BROX: variants seen among roughly 807,000 people sequenced by gnomAD.
BROX encodes the protein BRO1 domain-containing protein BROX.
In BROX, 53 loss-of-function variants were observed where a neutral mutation model predicts 61.0. The ratio of observed to expected loss-of-function variants is 0.87; its 90% CI spans 0.70 to 1.09. The LOEUF is 1.09. Among genes scored for constraint, BROX ranks in the 50% least tolerant of loss-of-function variants. The pLI is 0.00. For missense variants in BROX, 489 were observed against 472.0 expected, an observed-to-expected ratio of 1.04 and a Z score of -0.33; for synonymous variants, 152 against 160.2, an observed-to-expected ratio of 0.95 and a Z score of 0.38.
intron 8 of BROX, among the ~76,000 whole-genome samples, chr1:222,727,486 G>C (rs901991238): frequency 6.6e-6 from 1 of 152,036 alleles, no homozygotes; most frequent in Non-Finnish European, 1.5e-5. Flanking sequence ...CAGCTTTTTT[G>C]CTTAAAATTT....
Position 222,712,571 on chromosome 1 carries a change from C to G in BROX, c.-388C>G, listed in dbSNP as rs1054402417. On this transcript the variant is annotated 5_prime_UTR_variant, in exon 1 of 13. Transcript: ENST00000340934. Reference sequence around the variant, plus strand: ...TTAGGTTGAGGCCGCCCCACTGCGCCGAGGGCCGCCATCGCTATTGCGGCA... The same window carrying G: ...TTAGGTTGAGGCCGCCCCACTGCGCGGAGGGCCGCCATCGCTATTGCGGCA... 12 of 1,375,914 alleles carry G rather than the reference C, an allele frequency of 8.7e-6. No homozygotes were observed. In the African/African-American group the frequency reaches 1.8e-4, roughly 20 times the overall value. The allele number at this position is 1,375,914 out of a possible 1,614,324, so 85.2% of individuals were successfully genotyped here.
intron 11 of BROX, among the ~76,000 whole-genome samples, chr1:222,730,794 C>T (rs998028645): frequency 7.2e-5 from 11 of 152,048 alleles, no homozygotes; most frequent in African/African-American, 2.7e-4. Context: ...TGTTTCCCTG[C>T]CATTCTTCCT....
intron 4 of BROX, among the ~76,000 whole-genome samples, chr1:222,719,594 T>C (rs1323558647): frequency 6.6e-6 from 1 of 152,252 alleles, no homozygotes; most frequent in African/African-American, 2.4e-5. Flanking sequence ...TTAACTACAG[T>C]TGAACAGCCT....
chr1:222,727,959 G>C (rs1657630005), intron 8 of BROX, among the ~76,000 whole-genome samples: 1 of 152,154 alleles, frequency 6.6e-6, no homozygotes, highest in East Asian at 1.9e-4. Flanking sequence ...AAAGAACTTA[G>C]CACATTCTGG....
At position 222,717,311 on chromosome 1, in the gene BROX, G is replaced by C. The variant is rs369306326; in HGVS notation, c.101+1511G>C. On this transcript the variant is annotated intron_variant, in intron 2 of 12. Coordinates refer to ENST00000340934, the MANE Select transcript of BROX (RefSeq NM_144695.4). ...ATCTAGACTCCTGGAGGCAAGTCCC[G>C]ACTTAGCTGTTTTATCTATACCATT... Among the ~76,000 whole-genome samples the C allele has an allele frequency of 2.9e-4, 44 of 152,240 alleles. No homozygotes were observed. In the South Asian group the frequency reaches 6.2e-3, roughly 22 times the overall value.
At position 222,729,266 on chromosome 1, in the gene BROX, A is replaced by G. The variant is rs1037106121; in HGVS notation, c.757-354A>G. Reference sequence around the variant, plus strand: ...TAATTGTTTTGTTAATTAGAATATCATATGAGAGATCATCAGAAACCTTTT... The same window carrying G: ...TAATTGTTTTGTTAATTAGAATATCGTATGAGAGATCATCAGAAACCTTTT... On this transcript the variant is annotated intron_variant, in intron 9 of 12. Coordinates refer to ENST00000340934, the MANE Select transcript of BROX (RefSeq NM_144695.4). Among the ~76,000 whole-genome samples, 10 of 152,324 alleles carry G rather than the reference A, an allele frequency of 6.6e-5. No homozygotes were observed. In the South Asian group the frequency reaches 8.3e-4, roughly 13 times the overall value.
intron 12 of BROX, among the ~76,000 whole-genome samples, chr1:222,731,886 G>A (rs1290779466): frequency 6.6e-6 from 1 of 152,140 alleles, no homozygotes; most frequent in Non-Finnish European, 1.5e-5. Context: ...CCTAATTTCA[G>A]TATTCTGTGA....
chr1:222,722,792 A>G (rs1657194348), intron 5 of BROX, among the ~76,000 whole-genome samples: 1 of 152,224 alleles, frequency 6.6e-6, no homozygotes, highest in East Asian at 1.9e-4. Context: ...AGGACCGTAA[A>G]CAAAGTTAAA....
rs759292924 is a variant in BROX, at chr1:222,722,400, A to G, written c.306-19A>G. 31 of 1,589,540 alleles carry G rather than the reference A, an allele frequency of 2.0e-5. No homozygotes were observed. In the South Asian group the frequency reaches 3.1e-4, roughly 16 times the overall value. On this transcript the variant is annotated intron_variant, in intron 4 of 12. Transcript: ENST00000340934. ...TCTGGATAATTGACAGAACTTAATG[A>G]TCATGTTTATAATTCCAGTGCCCAG...
intron 4 of BROX, among the ~76,000 whole-genome samples, chr1:222,722,183 C>A (rs1657151215): frequency 6.6e-6 from 1 of 152,066 alleles, no homozygotes; most frequent in South Asian, 2.1e-4. Context: ...ACTTTGGGAG[C>A]TCCTATTCCC....
rs1657322094 is a variant in BROX, at chr1:222,724,176, A to G, written c.474+12A>G. ...TTAAACATTTAAAGGTAAAACAAAC[A>G]AACAAAAACCATTATTTGTTCTTAA... On this transcript the variant is annotated intron_variant, in intron 6 of 12. Coordinates refer to ENST00000340934, the MANE Select transcript of BROX (RefSeq NM_144695.4). 2 of 1,590,472 alleles carry G rather than the reference A, an allele frequency of 1.3e-6. No individual in the cohort carries two copies. The highest frequency in any genetic ancestry group is 1.1e-5 in the South Asian group (1 of 87,372).
chr1:222,726,332 G>A (rs1404389597), intron 7 of BROX, among the ~76,000 whole-genome samples: 3 of 152,192 alleles, frequency 2.0e-5, no homozygotes, highest in Non-Finnish European at 4.4e-5. Context: ...TTGGGAGGCC[G>A]AGGCAGGAGA....
At chr1:222,727,329 C>A in intron 8 of BROX, 72 bp downstream of exon 8, 1 of 1,126,836 alleles carries the variant, frequency 8.9e-7, no homozygotes, top group Non-Finnish European at 1.3e-6. Context: ...GAATAGGGAA[C>A]AAAACAAAAG....
intron 2 of BROX, among the ~76,000 whole-genome samples, chr1:222,717,310 C>T (rs560561703): frequency 2.6e-4 from 39 of 152,268 alleles, no homozygotes; most frequent in African/African-American, 4.6e-4. Flanking sequence ...AGGCAAGTCC[C>T]GACTTAGCTG....
intron 3 of BROX, 22 bp downstream of exon 3, chr1:222,719,053 G>A: frequency 6.3e-7 from 1 of 1,576,530 alleles, no homozygotes; most frequent in South Asian, 1.1e-5. Context: ...ATATGAACTT[G>A]AGGTTTTTTA....
At chr1:222,727,795 C>T (rs375049888) in intron 8 of BROX, among the ~76,000 whole-genome samples, 9 of 152,214 alleles carry the variant, frequency 5.9e-5, no homozygotes, top group South Asian at 2.1e-4. Flanking sequence ...GACATCACAG[C>T]GGCGAATTAG....
At chr1:222,720,433 CTG>C (rs1656990106) in intron 4 of BROX, among the ~76,000 whole-genome samples, 1 of 152,112 alleles carries the variant, frequency 6.6e-6, no homozygotes. Flanking sequence ...AATCAAACCT[CTG>C]TCATTATTTT....
chr1:222,714,726 A>G (rs1378040079), intron 1 of BROX, among the ~76,000 whole-genome samples: 2 of 151,688 alleles, frequency 1.3e-5, no homozygotes, highest in African/African-American at 2.4e-5. Flanking sequence ...AGTAGCTAGA[A>G]CCACAGGCGT....
At chr1:222,724,231 G>C in intron 6 of BROX, 67 bp downstream of exon 6, 1 of 1,239,212 alleles carries the variant, frequency 8.1e-7, no homozygotes, top group South Asian at 1.4e-5. Context: ...TTTTTCTTTT[G>C]GGAGGATATG....
Sources: gnomAD v4.1 joint callset for allele counts (sites outside exome capture counted in the v4.1 genomes callset) on GRCh38, gnomAD v4.1.1 for gene constraint, MANE v1.5 for transcripts, NCBI Gene and HGNC (gene_info 2026-07-23, HGNC 2026-07-21) for gene names.